Variants in LRP1B observed in about 807,000 individuals in gnomAD.
LRP1B encodes low-density lipoprotein receptor-related protein 1B.
A neutral mutation model predicts 556.6 loss-of-function variants in LRP1B; 217 were observed. That is an observed-to-expected ratio of 0.39 (90% CI 0.35 to 0.44). The LOEUF is 0.44. Ranked by LOEUF, LRP1B falls within the 20% of genes least tolerant of loss-of-function variation. LRP1B has a pLI of 1.00. For synonymous variants in LRP1B, 2,047 were observed against 1,865.8 expected, an observed-to-expected ratio of 1.10 and a Z score of -2.50; for missense variants, 5,053 against 5,620.8, an observed-to-expected ratio of 0.90 and a Z score of 3.23.
chr2:141,190,449 TAC>T (rs1031306939), intron 6 of LRP1B, among the ~76,000 whole-genome samples: 9 of 152,104 alleles, frequency 5.9e-5, no homozygotes, highest in African/African-American at 1.9e-4. Flanking sequence ...TGATCAGCCA[TAC>T]ACTGAAATTG....
chr2:140,940,687 T>C lies in LRP1B; in HGVS notation c.3136+9548A>G, dbSNP rs188458585. ...AGTCTATCACTGATGGGCATTTGAA[T>C]TGATTCCATGTCTTGCTATTGTGAA... On this transcript the variant is annotated intron_variant, in intron 20 of 90. Coordinates refer to ENST00000389484, the MANE Select transcript of LRP1B (RefSeq NM_018557.3). Among the ~76,000 whole-genome samples, 127 of 152,306 alleles carry C rather than the reference T, an allele frequency of 8.3e-4. 4 individuals are homozygous for C. In the East Asian group the frequency reaches 0.017, roughly 20 times the overall value.
chr2:141,153,818 T>A (rs1474727687), intron 7 of LRP1B, among the ~76,000 whole-genome samples: 2 of 151,002 alleles, frequency 1.3e-5, no homozygotes, highest in East Asian at 3.9e-4. Flanking sequence ...AGGATTCCTG[T>A]TTAAATATAT....
At chr2:140,591,982 G>A (rs1321931722) in intron 43 of LRP1B, among the ~76,000 whole-genome samples, 2 of 152,084 alleles carry the variant, frequency 1.3e-5, no homozygotes, top group Admixed American at 1.3e-4. Flanking sequence ...TACTTGATAT[G>A]TATCTGCCTT....
chr2:142,061,576 T>A (rs1306471087), intron 1 of LRP1B, among the ~76,000 whole-genome samples: 2 of 151,994 alleles, frequency 1.3e-5, no homozygotes, highest in Non-Finnish European at 2.9e-5. Flanking sequence ...ATTAAACTAA[T>A]TCATGAGAAA....
At chr2:140,484,385 T>C (rs1688380573) in intron 59 of LRP1B, among the ~76,000 whole-genome samples, 1 of 152,182 alleles carries the variant, frequency 6.6e-6, no homozygotes, top group Admixed American at 6.5e-5. Flanking sequence ...AATCTAATTG[T>C]TGCATATGGT....
chr2:141,842,979 T>G (rs1007448653), intron 1 of LRP1B, among the ~76,000 whole-genome samples: 2 of 152,126 alleles, frequency 1.3e-5, no homozygotes, highest in African/African-American at 4.8e-5. Flanking sequence ...TTTAAAAAAC[T>G]AATACTGTGG....
chr2:140,981,402 C>T (rs1476715702), intron 18 of LRP1B, among the ~76,000 whole-genome samples: 1 of 151,694 alleles, frequency 6.6e-6, no homozygotes, highest in Non-Finnish European at 1.5e-5. Flanking sequence ...AAAGTTTTCC[C>T]ATAGAAATTT....
At chr2:142,094,405 G>T (rs556214574) in intron 1 of LRP1B, among the ~76,000 whole-genome samples, 1 of 152,096 alleles carries the variant, frequency 6.6e-6, no homozygotes, top group East Asian at 1.9e-4. Context: ...ATTATGCAAG[G>T]TCAGCATTTT....
intron 1 of LRP1B, among the ~76,000 whole-genome samples, chr2:141,962,642 T>A (rs1701434334): frequency 6.6e-6 from 1 of 151,824 alleles, no homozygotes; most frequent in Non-Finnish European, 1.5e-5. Flanking sequence ...AATACATTTG[T>A]ACTTCTATAA....
intron 2 of LRP1B, among the ~76,000 whole-genome samples, chr2:141,646,720 C>T (rs532590789): frequency 9.2e-5 from 14 of 152,246 alleles, no homozygotes; most frequent in African/African-American, 3.4e-4. Context: ...GAATGTAGTT[C>T]TTCTTCAGCT....
At chr2:141,862,126 A>G (rs898134482) in intron 1 of LRP1B, among the ~76,000 whole-genome samples, 14 of 152,164 alleles carry the variant, frequency 9.2e-5, no homozygotes, top group Admixed American at 8.5e-4. Context: ...CTCTAATTTA[A>G]TATGTTAAAT....
intron 43 of LRP1B, among the ~76,000 whole-genome samples, chr2:140,576,504 G>A (rs894146158): frequency 2.0e-5 from 3 of 152,112 alleles, no homozygotes; most frequent in Admixed American, 6.5e-5. Context: ...CCATGCCACC[G>A]GAAGATACAA....
intron 41 of LRP1B, among the ~76,000 whole-genome samples, chr2:140,606,602 T>C (rs368099853): frequency 6.6e-6 from 1 of 152,064 alleles, no homozygotes; most frequent in East Asian, 1.9e-4. Context: ...CACTTCCTGA[T>C]TTCAACCTCA....
At chr2:141,483,209 G>A (rs544741391) in intron 2 of LRP1B, among the ~76,000 whole-genome samples, 30 of 146,832 alleles carry the variant, frequency 2.0e-4, no homozygotes, top group Non-Finnish European at 3.6e-4. Flanking sequence ...GAGAACATGC[G>A]GTGTTTGGTT....
At chr2:142,125,863 T>C (rs1254916738) in intron 1 of LRP1B, among the ~76,000 whole-genome samples, 1 of 151,892 alleles carries the variant, frequency 6.6e-6, no homozygotes, top group Non-Finnish European at 1.5e-5. Context: ...AGAAAAACCT[T>C]CTTATTTGAC....
At chr2:141,799,039 G>T (rs768499531) in intron 2 of LRP1B, among the ~76,000 whole-genome samples, 6 of 151,932 alleles carry the variant, frequency 3.9e-5, no homozygotes, top group Non-Finnish European at 8.8e-5. Flanking sequence ...CAACCCTACC[G>T]AGACCTTGAT....
chr2:140,804,649 ATTTTTTTTT>A (rs869167644), intron 32 of LRP1B, among the ~76,000 whole-genome samples: 14 of 57,944 alleles, frequency 2.4e-4, no homozygotes, highest in South Asian at 1.4e-3. Context: ...GTAAAAACTA[ATTTTTTTTT>A]TTTTTTTTTT....
intron 1 of LRP1B, among the ~76,000 whole-genome samples, chr2:142,015,132 T>G (rs1412502172): frequency 6.6e-6 from 1 of 152,160 alleles, no homozygotes; most frequent in Admixed American, 6.5e-5. Flanking sequence ...TTTATAAATA[T>G]TACTAGTCAA....
Position 141,062,232 on chromosome 2 carries a change from T to C in LRP1B, c.1055A>G (p.Glu352Gly). 1 of 1,611,236 alleles carries C rather than the reference T, an allele frequency of 6.2e-7. No homozygotes were observed. The highest frequency in any genetic ancestry group is 1.1e-5 in the South Asian group (1 of 90,960). Residue 352 changes from glutamate (E) to glycine (G), a missense_variant, in exon 8 of 91, where the codon GAG (glutamate) becomes GGG (glycine). Around this residue, in one of 5 missense-constraint regions of LRP1B, gnomAD observed 3,619 missense variants for 3,931.9 expected, o/e 0.92. Coordinates refer to ENST00000389484, the MANE Select transcript of LRP1B (RefSeq NM_018557.3). ...FTDYGNVAKV[E>G]RCDMDGMNRT... ...GTTCATCCCATCCATGTCACATCTC[T>C]CCACTTTGGCGACATTCCCGTAGTC...
Sources: allele counts gnomAD v4.1 joint callset (sites outside exome capture counted in the v4.1 genomes callset), GRCh38; gene constraint gnomAD v4.1.1; regional missense constraint gnomAD v4.1.1; transcripts MANE v1.5; gene names NCBI Gene and HGNC (gene_info 2026-07-23, HGNC 2026-07-21).